The following LTF variants were observed in gnomAD, a reference collection of about 807,000 sequenced individuals.
LTF encodes the protein lactotransferrin.
A neutral mutation model predicts 87.2 loss-of-function variants in LTF; 91 were observed. The observed-to-expected ratio is 1.04, with a 90% confidence interval of 0.88 to 1.24. The LOEUF is 1.24. Among genes scored for constraint, LTF ranks in the 50% most tolerant of loss-of-function variants. LTF has a pLI of 0.00. For synonymous variants in LTF, 378 were observed against 356.1 expected (o/e 1.06, Z -0.69); for missense variants, 901 against 904.3 (o/e 1.00, Z 0.05).
upstream of LTF, among the ~76,000 whole-genome samples, chr3:46,469,136 G>A (rs1051351958): frequency 1.3e-5 from 2 of 152,194 alleles, no homozygotes; most frequent in African/African-American, 2.4e-5. Context: ...CTTTAACAAC[G>A]ACTCTGTGAG....
Position 46,450,014 on chromosome 3 carries a change from CT to C in LTF, c.896del (p.Lys299ArgfsTer35). The C allele has an allele frequency of 6.3e-7, 1 of 1,587,374 alleles. No homozygotes were observed. The highest frequency in any genetic ancestry group is 8.6e-7 in the Non-Finnish European group (1 of 1,169,336). On this transcript the variant is annotated frameshift_variant, in exon 8 of 17. Coordinates refer to ENST00000231751, the MANE Select transcript of LTF (RefSeq NM_002343.6). LOFTEE classifies it high-confidence loss of function. Reference sequence around the variant, plus strand: ...AGAGCTGGAATTTCGGTGACTTGTCCTTTCCAAACTTTTCCTAATTAAGAAA... The same window carrying C: ...AGAGCTGGAATTTCGGTGACTTGTCCTTCCAAACTTTTCCTAATTAAGAAA... The part of the protein sequence containing the change: ...LLRQAQEKFG[K>X]DKSPKFQLFG...
At chr3:46,462,565 C>T (rs998319968) in intron 1 of LTF, among the ~76,000 whole-genome samples, 1 of 152,180 alleles carries the variant, frequency 6.6e-6, no homozygotes, top group African/African-American at 2.4e-5. Flanking sequence ...AAGTTAGAGA[C>T]AGGTTGGAGA....
At chr3:46,483,019 ACTC>A (rs1395689942) in intron 1 of LTF, among the ~76,000 whole-genome samples, 4 of 151,896 alleles carry the variant, frequency 2.6e-5, no homozygotes, top group African/African-American at 9.7e-5. Flanking sequence ...TGGTGTAAAA[ACTC>A]CTCCAATGAC....
At chr3:46,446,758 G>A (rs764303992) in intron 10 of LTF, among the ~76,000 whole-genome samples, 5 of 152,308 alleles carry the variant, frequency 3.3e-5, no homozygotes, top group South Asian at 2.1e-4. Context: ...ACACAGCGAC[G>A]AGACTGAACA....
intron 6 of LTF, among the ~76,000 whole-genome samples, chr3:46,453,462 T>C (rs1443755763): frequency 6.6e-6 from 1 of 151,426 alleles, no homozygotes; most frequent in Non-Finnish European, 1.5e-5. Flanking sequence ...TGGCCTCTGA[T>C]GAATGCGGGG....
intron 1 of LTF, among the ~76,000 whole-genome samples, chr3:46,464,533 G>A (rs1325597323): frequency 6.6e-6 from 1 of 152,210 alleles, no homozygotes; most frequent in Admixed American, 6.5e-5. Context: ...ATACAATGGG[G>A]ACCAAATCCT....
At chr3:46,442,084 A>T (rs56226331) in intron 13 of LTF, among the ~76,000 whole-genome samples, 8,528 of 151,936 alleles carry the variant, frequency 0.056, 397 homozygotes, top group East Asian at 0.14. Context: ...CAAATAAGAA[A>T]AGACATTTAT....
At chr3:46,455,581 C>A in intron 4 of LTF, 139 bp from the exon 5 acceptor site, 1 of 1,190,750 alleles carries the variant, frequency 8.4e-7, no homozygotes, top group Non-Finnish European at 1.2e-6. Flanking sequence ...GGGCTGGGAG[C>A]TCGAGACATG....
chr3:46,464,330 C>T (rs369769475), intron 1 of LTF, among the ~76,000 whole-genome samples: 57 of 152,218 alleles, frequency 3.7e-4, no homozygotes, highest in African/African-American at 1.2e-3. Flanking sequence ...TGCGAATGCC[C>T]CATCTCCTCC....
intron 6 of LTF, among the ~76,000 whole-genome samples, chr3:46,453,138 G>C (rs1336190346): frequency 6.6e-6 from 1 of 152,124 alleles, no homozygotes; most frequent in Non-Finnish European, 1.5e-5. Flanking sequence ...GCAGAAACAA[G>C]GTGTGAAACT....
intron 2 of LTF, among the ~76,000 whole-genome samples, 182 bp downstream of exon 2, chr3:46,459,474 G>C (rs1272585759): frequency 4.6e-5 from 7 of 152,222 alleles, no homozygotes; most frequent in Non-Finnish European, 8.8e-5. Flanking sequence ...ATGGTCTCTT[G>C]ACTTAAGCTC....
intron 1 of LTF, among the ~76,000 whole-genome samples, chr3:46,476,832 T>G (rs1207389037): frequency 6.6e-6 from 1 of 152,250 alleles, no homozygotes; most frequent in Non-Finnish European, 1.5e-5. Context: ...AAAATTTTGT[T>G]TATTAGATTC....
chr3:46,471,347 C>T (rs6414427), intron 1 of LTF, among the ~76,000 whole-genome samples: 125,274 of 152,150 alleles, frequency 0.82, 52,022 homozygotes, highest in East Asian at 0.99. Flanking sequence ...TCCCTCTCTG[C>T]CTTAAACACC....
rs1311148171 is a variant in LTF, at chr3:46,459,716, A to G, written c.147T>C (p.Arg49=). Residue 49 remains arginine (R), a synonymous_variant, in exon 2 of 17, where the codon CGT becomes CGC. Coordinates refer to ENST00000231751, the MANE Select transcript of LTF (RefSeq NM_002343.6). ...TCTTTATGCAGCTGACAGGAGGGCC[A>G]CGCACTTTTCTCATATTCCTTTGCC... The part of the protein sequence containing the change: ...FQWQRNMRKV[R]GPPVSCIKRD... 2 of 1,580,410 alleles carry G rather than the reference A, an allele frequency of 1.3e-6. No individual in the cohort carries two copies. Among genetic ancestry groups the G allele is most frequent in the Admixed American group, 3.6e-5 (2 of 55,052 alleles).
rs369593060 is a variant in LTF at position 46,450,019 on chromosome 3, C to T, written c.892G>A (p.Gly298Arg). Residue 298 changes from glycine to arginine, a missense_variant, in exon 8 of 17, where the codon GGA becomes AGA. Transcript: ENST00000231751. ...NLLRQAQEKFGKDKSPKFQLF... is the reference protein window; with the variant it reads ...NLLRQAQEKFRKDKSPKFQLF... ...TGGAATTTCGGTGACTTGTCCTTTCCAAACTTTTCCTAATTAAGAAAAAAT... is the reference window on the plus strand; with the variant it reads ...TGGAATTTCGGTGACTTGTCCTTTCTAAACTTTTCCTAATTAAGAAAAAAT... The T allele has an allele frequency of 6.6e-5, 104 of 1,584,578 alleles. 1 individual carries two copies. In the South Asian group the frequency reaches 9.7e-4, roughly 15 times the overall value.
intron 6 of LTF, among the ~76,000 whole-genome samples, chr3:46,453,212 GT>G (rs1702844243): frequency 6.6e-6 from 1 of 152,234 alleles, no homozygotes; most frequent in African/African-American, 2.4e-5. Context: ...TAGCAAATAT[GT>G]TGAAATGATC....
intron 10 of LTF, among the ~76,000 whole-genome samples, 177 bp from the exon 11 acceptor site, chr3:46,446,670 A>G (rs1361806282): frequency 1.3e-5 from 2 of 152,228 alleles, no homozygotes; most frequent in Non-Finnish European, 2.9e-5. Context: ...TCACAGCTGC[A>G]TTATTCACCA....
chr3:46,474,812 CCAAA>C (rs1002972527), intron 1 of LTF, among the ~76,000 whole-genome samples: 3 of 152,100 alleles, frequency 2.0e-5, no homozygotes, highest in Non-Finnish European at 4.4e-5. Context: ...AGAGAAATCT[CCAAA>C]CAGTTAGAAA....
intron 13 of LTF, among the ~76,000 whole-genome samples, chr3:46,442,794 G>A (rs886170069): frequency 2.0e-5 from 3 of 152,146 alleles, no homozygotes; most frequent in Non-Finnish European, 4.4e-5. Context: ...TTGGCAAATG[G>A]AGGAAAAGGA....
Sources: allele counts gnomAD v4.1 joint callset (sites outside exome capture counted in the v4.1 genomes callset), GRCh38; gene constraint gnomAD v4.1.1; transcripts MANE v1.5; gene names NCBI Gene and HGNC (gene_info 2026-07-23, HGNC 2026-07-21).